Variants in NLGN1 observed in about 807,000 individuals in gnomAD.
The protein encoded by NLGN1 is neuroligin 1.
In NLGN1, 12 loss-of-function variants were observed where a neutral mutation model predicts 65.5. The ratio of observed to expected loss-of-function variants is 0.18; its 90% CI spans 0.12 to 0.30. NLGN1 has a LOEUF of 0.30. NLGN1 is among the 10% of genes least tolerant of loss of function. NLGN1 has a pLI of 1.00. For synonymous variants in NLGN1, 350 were observed against 359.5 expected, an observed-to-expected ratio of 0.97 and a Z score of 0.30; for missense variants, 750 against 1,007.1, an observed-to-expected ratio of 0.74 and a Z score of 3.46.
intron 3 of NLGN1, among the ~76,000 whole-genome samples, chr3:173,669,628 G>A (rs888447942): frequency 6.6e-6 from 1 of 152,198 alleles, no homozygotes; most frequent in East Asian, 1.9e-4. Flanking sequence ...TTCCAAATAG[G>A]TTGCATTCTG....
intron 2 of NLGN1, among the ~76,000 whole-genome samples, chr3:173,594,366 G>A (rs1290298467): frequency 1.3e-5 from 2 of 152,188 alleles, no homozygotes; most frequent in Non-Finnish European, 2.9e-5. Context: ...ATCCAGCAGT[G>A]CAGTCAAATC....
At chr3:174,227,844 T>G (rs1740004041) in intron 4 of NLGN1, among the ~76,000 whole-genome samples, 1 of 152,128 alleles carries the variant, frequency 6.6e-6, no homozygotes, top group African/African-American at 2.4e-5. Context: ...ATCTAATATT[T>G]ATTTGACTTA....
intron 4 of NLGN1, among the ~76,000 whole-genome samples, chr3:174,171,863 G>C (rs550277041): frequency 1.3e-5 from 2 of 152,228 alleles, no homozygotes; most frequent in South Asian, 4.1e-4. Context: ...AGGGTCACCA[G>C]CTTGGATGAC....
intron 3 of NLGN1, among the ~76,000 whole-genome samples, chr3:173,650,182 A>G (rs780481714): frequency 5.3e-5 from 8 of 152,052 alleles, no homozygotes; most frequent in Non-Finnish European, 7.4e-5. Flanking sequence ...CAGACCATGA[A>G]TATCCACTTC....
intron 4 of NLGN1, among the ~76,000 whole-genome samples, chr3:174,060,240 T>G (rs1737098269): frequency 6.6e-6 from 1 of 152,120 alleles, no homozygotes; most frequent in African/African-American, 2.4e-5. Context: ...TTGGAATGTT[T>G]TCTCTTTTCC....
At chr3:173,701,757 A>G (rs1767200956) in intron 3 of NLGN1, among the ~76,000 whole-genome samples, 1 of 152,222 alleles carries the variant, frequency 6.6e-6, no homozygotes. Flanking sequence ...TATAAATAAT[A>G]CAAGCCCATT....
intron 4 of NLGN1, among the ~76,000 whole-genome samples, chr3:174,201,455 C>T (rs1734490845): frequency 7.6e-6 from 1 of 130,774 alleles, no homozygotes; most frequent in East Asian, 2.4e-4. Context: ...TCCTAATGTC[C>T]TATTTACTTA....
chr3:173,429,781 T>A (rs1716859086), intron 1 of NLGN1, among the ~76,000 whole-genome samples: 1 of 152,102 alleles, frequency 6.6e-6, no homozygotes, highest in Non-Finnish European at 1.5e-5. Flanking sequence ...CATCCCAGAT[T>A]GGGGCTGGGG....
At chr3:174,114,543 A>C (rs1405275205) in intron 4 of NLGN1, among the ~76,000 whole-genome samples, 2 of 152,166 alleles carry the variant, frequency 1.3e-5, no homozygotes, top group East Asian at 3.8e-4. Flanking sequence ...CAACCCAATC[A>C]AGTCACAAAA....
At chr3:174,218,233 T>C (rs1307883885) in intron 4 of NLGN1, among the ~76,000 whole-genome samples, 1 of 152,034 alleles carries the variant, frequency 6.6e-6, no homozygotes, top group Non-Finnish European at 1.5e-5. Context: ...ATTCATTGAT[T>C]ACCCTTTACC....
chr3:173,587,895 G>A (rs903118624), intron 2 of NLGN1, among the ~76,000 whole-genome samples: 1 of 151,852 alleles, frequency 6.6e-6, no homozygotes, highest in Non-Finnish European at 1.5e-5. Context: ...ATTTGCTATA[G>A]ATTCTTTCTA....
At chr3:173,781,445 A>G (rs1218376400) in intron 3 of NLGN1, among the ~76,000 whole-genome samples, 1 of 152,202 alleles carries the variant, frequency 6.6e-6, no homozygotes, top group African/African-American at 2.4e-5. Context: ...GTAAATATAA[A>G]AAAATTGAAT....
At chr3:173,406,287 A>G (rs1718636490) in intron 1 of NLGN1, among the ~76,000 whole-genome samples, 1 of 151,818 alleles carries the variant, frequency 6.6e-6, no homozygotes, top group African/African-American at 2.4e-5. Flanking sequence ...AACAAAGAAA[A>G]CTTATGCAAG....
At chr3:174,087,085 A>C (rs138299738) in intron 4 of NLGN1, among the ~76,000 whole-genome samples, 2,655 of 152,282 alleles carry the variant, frequency 0.017, 61 homozygotes, top group South Asian at 0.086. Flanking sequence ...ACACATGGAC[A>C]CATAGAGGGG....
Position 173,699,835 on chromosome 3 carries a change from C to T in NLGN1, c.493+94744C>T, listed in dbSNP as rs945923973. 2.0e-5 allele frequency among the ~76,000 whole-genome samples: 3 copies of T among 152,266 alleles called. No homozygotes were observed. The East Asian group carries it at 5.8e-4, about 29-fold the overall frequency. On this transcript the variant is annotated intron_variant, in intron 3 of 6. Transcript: ENST00000457714. ...ATACCTCACAAATAATGAGCTTTCCCCTCCCACCAGTGGGGAGAAAATTGC... is the reference window on the plus strand; with the variant it reads ...ATACCTCACAAATAATGAGCTTTCCTCTCCCACCAGTGGGGAGAAAATTGC...
chr3:174,053,031 C>T (rs1182683121), intron 4 of NLGN1, among the ~76,000 whole-genome samples: 3 of 151,948 alleles, frequency 2.0e-5, no homozygotes, highest in East Asian at 1.9e-4. Flanking sequence ...TTCTTATCCT[C>T]GTACTATCCC....
exon 7 of NLGN1, chr3:174,285,665 G>A (rs1752029394): frequency 6.6e-6 from 1 of 151,272 alleles, no homozygotes; most frequent in Non-Finnish European, 1.5e-5. Context: ...ATTTTATTCT[G>A]GCACGTTGCT....
At chr3:173,588,816 C>A (rs529022031) in intron 2 of NLGN1, among the ~76,000 whole-genome samples, 1 of 152,080 alleles carries the variant, frequency 6.6e-6, no homozygotes, top group Admixed American at 6.6e-5. Flanking sequence ...ACTCATAAAA[C>A]GTTCAAGTCC....
intron 4 of NLGN1, among the ~76,000 whole-genome samples, chr3:173,890,239 C>T (rs1735082426): frequency 6.6e-6 from 1 of 152,102 alleles, no homozygotes; most frequent in Admixed American, 6.6e-5. Context: ...TTCAGTCGTT[C>T]AGATAATAAT....
Sources: gnomAD v4.1 joint callset for allele counts (sites outside exome capture counted in the v4.1 genomes callset) on GRCh38, gnomAD v4.1.1 for gene constraint, MANE v1.5 for transcripts, NCBI Gene and HGNC (gene_info 2026-07-23, HGNC 2026-07-21) for gene names.